NOL4L: variants seen among roughly 807,000 people sequenced by gnomAD.
NOL4L encodes the protein nucleolar protein 4-like.
NOL4L carries 7 observed loss-of-function variants against 64.5 expected under a neutral mutation model. That is an observed-to-expected ratio of 0.11 (90% CI 0.06 to 0.20). The LOEUF is 0.20. NOL4L is among the 10% of genes least tolerant of loss of function. The probability of loss-of-function intolerance (pLI) is 1.00; values close to 1 mark genes in which losing one functional copy is unlikely to be tolerated. For missense variants in NOL4L, 680 were observed against 967.1 expected, an observed-to-expected ratio of 0.70 and a Z score of 3.94; for synonymous variants, 413 against 401.0, an observed-to-expected ratio of 1.03 and a Z score of -0.36.
At chr20:32,520,968 G>A in intron 2 of NOL4L, 46 bp from the exon 3 acceptor site, 1 of 1,358,940 alleles carries the variant, frequency 7.4e-7, no homozygotes, top group Non-Finnish European at 1.0e-6. Flanking sequence ...CTGTGGGGAG[G>A]CAACTTGGCC....
Position 32,584,882 on chromosome 20 carries a change from C to G in NOL4L, c.9G>C (p.Lys3Asn). ...AGCCCCCGCGCAGCAGCAGCGTCGGCTTCGGCATCCTCCCGCCGCGCCCGG... is the reference window on the plus strand; with the variant it reads ...AGCCCCCGCGCAGCAGCAGCGTCGGGTTCGGCATCCTCCCGCCGCGCCCGG... Reference protein sequence around the residue: MPKPTLLLRGGWE... With the variant: MPNPTLLLRGGWE... Residue 3 changes from lysine (K) to asparagine (N), a missense_variant, in exon 1 of 11, where the codon AAG becomes AAC. This residue lies in a region of NOL4L where 181 missense variants were observed against 335.2 expected (regional missense o/e 0.54). Coordinates refer to ENST00000621426, the MANE Select transcript of NOL4L (RefSeq NM_001256798.2). 7.7e-7 allele frequency: 1 copy of G among 1,293,206 alleles called. No homozygotes were observed. The highest frequency in any genetic ancestry group is 9.8e-7 in the Non-Finnish European group (1 of 1,017,918). The allele number at this position is 1,293,206 out of a possible 1,614,324, so 80.1% of individuals were successfully genotyped here.
chr20:32,490,956 C>T (rs547002446), intron 4 of NOL4L, among the ~76,000 whole-genome samples: 6 of 152,218 alleles, frequency 3.9e-5, no homozygotes, highest in East Asian at 3.8e-4. Flanking sequence ...CAGACGGACT[C>T]GCCATCTTTT....
chr20:32,557,095 G>C (rs1212646324), intron 1 of NOL4L, among the ~76,000 whole-genome samples: 2 of 152,166 alleles, frequency 1.3e-5, no homozygotes, highest in African/African-American at 2.4e-5. Flanking sequence ...GATATGTGTG[G>C]GTTGAAACAA....
Position 32,444,217 on chromosome 20 carries a change from T to C in NOL4L, c.*3379A>G, listed in dbSNP as rs951456442. The stretch of plus-strand genomic sequence containing the variant: ...TAGGTAGATACAGGCGAAAAAGGAT[T>C]GAGCTGTTTAGCTCAGAAACAACAA... On this transcript the variant is annotated 3_prime_UTR_variant, in exon 11 of 11. Transcript: ENST00000621426. 3.8e-4 allele frequency: 58 copies of C among 152,226 alleles called. No homozygotes were observed. Among genetic ancestry groups the C allele is most frequent in the Admixed American group, 3.8e-3 (58 of 15,274 alleles). The allele number at this position is 152,226 out of a possible 1,614,324, so 9.4% of individuals were successfully genotyped here.
rs1274141041 is a variant in NOL4L, at chr20:32,488,786, CCTTCCTTT to C, written c.700-14052_700-14045del. Among the ~76,000 whole-genome samples, 15 of 54,654 alleles carry C rather than the reference CCTTCCTTT, an allele frequency of 2.7e-4. 1 individual carries two copies. The highest frequency in any genetic ancestry group is 6.9e-4 in the South Asian group (1 of 1,444). 35.9% of individuals were successfully genotyped at this position (54,654 alleles called of 152,430 possible). A position where few individuals can be genotyped will look rare whatever the true frequency, so the allele number is the denominator to read the frequency against. ...TCCTTCCTTCCTTCCTTCCTTCCTT[CCTTCCTTT>C]CTTTCTTTCTTTTTCTTTCTTTCTT... On this transcript the variant is annotated intron_variant, in intron 4 of 10. Coordinates refer to ENST00000621426, the MANE Select transcript of NOL4L (RefSeq NM_001256798.2).
chr20:32,551,884 G>A (rs961228867), intron 1 of NOL4L, among the ~76,000 whole-genome samples: 1 of 152,094 alleles, frequency 6.6e-6, no homozygotes, highest in East Asian at 1.9e-4. Context: ...GAACTCCTGG[G>A]CTCAAGTGAT....
At chr20:32,486,133 T>G (rs1422733386) in intron 4 of NOL4L, among the ~76,000 whole-genome samples, 3 of 152,238 alleles carry the variant, frequency 2.0e-5, no homozygotes, top group Admixed American at 2.0e-4. Context: ...TGAGTTTTCA[T>G]GTGTGTGTGC....
At chr20:32,511,127 C>A (rs2017382807) in intron 4 of NOL4L, 2 of 404,936 alleles carry the variant, frequency 4.9e-6, no homozygotes, top group Non-Finnish European at 8.9e-6. Flanking sequence ...AAAGTTTTCT[C>A]CCTGAAGACC....
At chr20:32,486,993 G>T (rs775273628) in intron 4 of NOL4L, among the ~76,000 whole-genome samples, 1 of 152,238 alleles carries the variant, frequency 6.6e-6, no homozygotes, top group Non-Finnish European at 1.5e-5. Flanking sequence ...TAACAGCCGG[G>T]TGCAGTGGCT....
At chr20:32,560,853 G>A (rs1978965880) in intron 1 of NOL4L, among the ~76,000 whole-genome samples, 1 of 152,248 alleles carries the variant, frequency 6.6e-6, no homozygotes, top group Non-Finnish European at 1.5e-5. Context: ...GCCTGAGGCT[G>A]GGCACCCAGT....
At chr20:32,474,506 C>T in intron 5 of NOL4L, 95 bp downstream of exon 5, 1 of 1,429,182 alleles carries the variant, frequency 7.0e-7, no homozygotes. Context: ...CCAGATTCCG[C>T]CACCCTGGAG....
chr20:32,537,780 CTTTT>C (rs5841107), intron 1 of NOL4L, among the ~76,000 whole-genome samples: 2 of 143,346 alleles, frequency 1.4e-5, no homozygotes, highest in African/African-American at 2.6e-5. Flanking sequence ...ACCCGCGTTT[CTTTT>C]TTTTTTTTTT....
At position 32,447,076 on chromosome 20, in the gene NOL4L, A is replaced by ATGTT. The variant is rs1440091903; in HGVS notation, c.*516_*519dup. ...GCCCACATCAGTGTAGTGATATGGA[A>ATGTT]TGTTAGGTATGGGGATACATCCTTC... On this transcript the variant is annotated 3_prime_UTR_variant, in exon 11 of 11. Coordinates refer to ENST00000621426, the MANE Select transcript of NOL4L (RefSeq NM_001256798.2). The ATGTT allele has an allele frequency of 1.0e-5, 4 of 384,734 alleles. No individual in the cohort carries two copies. The highest frequency in any genetic ancestry group is 2.1e-5 in the African/African-American group (1 of 47,348). 23.8% of individuals were successfully genotyped at this position (384,734 alleles called of 1,614,324 possible). A position where few individuals can be genotyped will look rare whatever the true frequency, so the allele number is the denominator to read the frequency against.
chr20:32,451,038 G>A (rs1205452772), intron 10 of NOL4L, among the ~76,000 whole-genome samples: 1 of 152,146 alleles, frequency 6.6e-6, no homozygotes, highest in Non-Finnish European at 1.5e-5. Context: ...CCTGCCATGG[G>A]TGGGGACTAG....
At chr20:32,515,584 CAG>C (rs144767462) in intron 3 of NOL4L, among the ~76,000 whole-genome samples, 9,572 of 152,158 alleles carry the variant, frequency 0.063, 424 homozygotes, top group Middle Eastern at 0.13. Context: ...GTGGAAGCCG[CAG>C]AGTCAGATGC....
chr20:32,542,212 C>T (rs1209739670), intron 1 of NOL4L, among the ~76,000 whole-genome samples: 2 of 152,194 alleles, frequency 1.3e-5, no homozygotes, highest in South Asian at 2.1e-4. Flanking sequence ...GTCCAGGTTT[C>T]GGGGGCACCA....
intron 2 of NOL4L, 69 bp downstream of exon 2, chr20:32,527,689 T>A (rs1054804280): frequency 1.2e-5 from 18 of 1,477,516 alleles, no homozygotes; most frequent in Non-Finnish European, 1.6e-5. Context: ...AAGCCCAACA[T>A]GTGCGGAGCC....
intron 1 of NOL4L, among the ~76,000 whole-genome samples, chr20:32,572,664 C>G (rs1260900686): frequency 6.6e-6 from 1 of 152,150 alleles, no homozygotes; most frequent in Non-Finnish European, 1.5e-5. Context: ...CACTTCCCAC[C>G]ACCTTTGGCT....
At chr20:32,558,621 C>A (rs941239357) in intron 1 of NOL4L, among the ~76,000 whole-genome samples, 1 of 152,216 alleles carries the variant, frequency 6.6e-6, no homozygotes, top group Non-Finnish European at 1.5e-5. Context: ...CCCTGACAGC[C>A]GTAACGGAGG....
Sources: allele counts gnomAD v4.1 joint callset (sites outside exome capture counted in the v4.1 genomes callset), GRCh38; gene constraint gnomAD v4.1.1; regional missense constraint gnomAD v4.1.1; transcripts MANE v1.5; gene names NCBI Gene and HGNC (gene_info 2026-07-23, HGNC 2026-07-21).